Variants in CACNA1A observed in about 807,000 individuals in gnomAD.
The protein encoded by CACNA1A is voltage-dependent P/Q-type calcium channel subunit alpha-1A.
CACNA1A carries 57 observed loss-of-function variants against 262.4 expected under a neutral mutation model. That is an observed-to-expected ratio of 0.22 (90% CI 0.18 to 0.27). The LOEUF (loss-of-function observed/expected upper bound fraction) is 0.27. Ranked by LOEUF, CACNA1A falls within the 10% of genes least tolerant of loss-of-function variation. The pLI, the probability that CACNA1A is intolerant of heterozygous loss-of-function variation, is 1.00. For synonymous variants in CACNA1A, 1,431 were observed against 1,419.3 expected (o/e 1.01, Z -0.18); for missense variants, 2,526 against 3,562.8 (o/e 0.71, Z 7.41).
Position 13,262,553 on chromosome 19 carries a change from T to A in CACNA1A, c.4089+181A>T, listed in dbSNP as rs535910612. 2.7e-5 allele frequency: 16 copies of A among 590,438 alleles called. No individual in the cohort carries two copies. The South Asian group carries it at 3.4e-4, about 13-fold the overall frequency. 36.6% of individuals were successfully genotyped at this position (590,438 alleles called of 1,614,324 possible). A position where few individuals can be genotyped will look rare whatever the true frequency, so the allele number is the denominator to read the frequency against. On this transcript the variant is annotated intron_variant, in intron 25 of 46. Coordinates refer to ENST00000360228, the MANE Select transcript of CACNA1A (RefSeq NM_001127222.2). ...GCCATAATACACAGATTATTTTAGG[T>A]CAGCTCACTTTACTGCCATCTGCTG...
chr19:13,431,539 A>T (rs1310136675), intron 3 of CACNA1A, among the ~76,000 whole-genome samples: 1 of 152,084 alleles, frequency 6.6e-6, no homozygotes, highest in Admixed American at 6.6e-5. Context: ...GAGGAGCTGT[A>T]ATCCCTCTAA....
chr19:13,438,264 A>G (rs2060648528), intron 3 of CACNA1A, among the ~76,000 whole-genome samples: 4 of 152,234 alleles, frequency 2.6e-5, no homozygotes, highest in African/African-American at 9.6e-5. Context: ...ATGGGGCCCC[A>G]GTGGCCCCAG....
chr19:13,224,836 G>T, intron 37 of CACNA1A, 64 bp from the exon 38 acceptor site: 1 of 1,205,184 alleles, frequency 8.3e-7, no homozygotes, highest in Non-Finnish European at 1.2e-6. Flanking sequence ...CCCGTGAGCC[G>T]CGCCCGCCCC....
chr19:13,254,034 C>T (rs79932774), intron 29 of CACNA1A, among the ~76,000 whole-genome samples: 6 of 152,266 alleles, frequency 3.9e-5, no homozygotes, highest in African/African-American at 7.2e-5. Context: ...CCACCTTGCC[C>T]GGCCACTATT....
intron 1 of CACNA1A, among the ~76,000 whole-genome samples, chr19:13,504,333 C>T (rs1444192657): frequency 3.3e-5 from 5 of 152,160 alleles, no homozygotes; most frequent in South Asian, 2.1e-4. Flanking sequence ...TGGGCACCAA[C>T]GGAGATGGCA....
In CACNA1A at chr19:13,286,828, C is replaced by G; in HGVS notation, c.3228G>C (p.Ala1076=). Residue 1076 remains alanine (A), a synonymous_variant, in exon 20 of 47, where the codon GCG becomes GCC. Transcript: ENST00000360228. ...DNMKNNKLAT[A]ESAAPHGSLG... Reference sequence around the variant, plus strand: ...GGCTGCCGTGGGGAGCGGCCGACTCCGCGGTGGCCAGCTTGTTGTTCTTCA... The same window carrying G: ...GGCTGCCGTGGGGAGCGGCCGACTCGGCGGTGGCCAGCTTGTTGTTCTTCA... The G allele has an allele frequency of 6.2e-7, 1 of 1,613,554 alleles. No homozygotes were observed. The highest frequency in any genetic ancestry group is 8.5e-7 in the Non-Finnish European group (1 of 1,179,806).
Position 13,210,628 on chromosome 19 carries a change from T to G in CACNA1A, c.6328A>C (p.Asn2110His), listed in dbSNP as rs1381329539. Residue 2110 changes from asparagine (N) to histidine (H), a missense_variant, in exon 44 of 47, where the codon AAT becomes CAT. Transcript: ENST00000360228. Reference sequence around the variant, plus strand: ...GGCGCGGTACATACACTGAGGTTATTCCCACGTGGCCGGCCCCTTCTCCTC... The same window carrying G: ...GGCGCGGTACATACACTGAGGTTATGCCCACGTGGCCGGCCCCTTCTCCTC... ...NQRRRGRPRG[N>H]NLSTISDTSP... 1 of 1,565,034 alleles carries G rather than the reference T, an allele frequency of 6.4e-7. No individual in the cohort carries two copies. Among genetic ancestry groups the G allele is most frequent in the Non-Finnish European group, 8.6e-7 (1 of 1,156,272 alleles).
intron 3 of CACNA1A, among the ~76,000 whole-genome samples, chr19:13,416,227 A>T (rs568575671): frequency 1.3e-5 from 2 of 152,216 alleles, no homozygotes; most frequent in East Asian, 3.9e-4. Context: ...CATCCTCCCG[A>T]GTAGCTGGGA....
chr19:13,344,660 C>T (rs2058730895), intron 6 of CACNA1A, among the ~76,000 whole-genome samples: 1 of 152,160 alleles, frequency 6.6e-6, no homozygotes, highest in African/African-American at 2.4e-5. Flanking sequence ...GCACCAGGGA[C>T]ATAGTAGGTG....
chr19:13,311,490 C>T (rs898340829), intron 12 of CACNA1A, among the ~76,000 whole-genome samples: 2 of 152,054 alleles, frequency 1.3e-5, no homozygotes, highest in Non-Finnish European at 2.9e-5. Flanking sequence ...TTGTTTTCTC[C>T]AACAACATAA....
chr19:13,223,279 C>T (rs751970240), intron 38 of CACNA1A, among the ~76,000 whole-genome samples: 5 of 151,762 alleles, frequency 3.3e-5, no homozygotes, highest in East Asian at 1.9e-4. Context: ...CTGCAACCTC[C>T]GCCTCCCAGG....
intron 38 of CACNA1A, among the ~76,000 whole-genome samples, chr19:13,220,290 G>T (rs1322196959): frequency 6.6e-6 from 1 of 151,688 alleles, no homozygotes; most frequent in East Asian, 1.9e-4. Context: ...CAAGTCAGCT[G>T]ACCTCAAAAT....
chr19:13,214,811 G>A lies in CACNA1A; in HGVS notation c.5732-203C>T, dbSNP rs1159725134. ...CCTTGTGGGCTCTGGTTTTCGGTGG[G>A]GCCAGGACCATGGAGCAGCTGTGCA... On this transcript the variant is annotated intron_variant, in intron 38 of 46. Transcript: ENST00000360228. The surrounding 1 kb of genome is among the most constrained non-coding windows in gnomAD (Gnocchi z 4.1). The A allele has an allele frequency of 1.0e-5, 6 of 585,124 alleles. No individual in the cohort carries two copies. The highest frequency in any genetic ancestry group is 2.1e-5 in the South Asian group (1 of 47,314). 36.2% of individuals were successfully genotyped at this position (585,124 alleles called of 1,614,324 possible).
intron 31 of CACNA1A, among the ~76,000 whole-genome samples, chr19:13,239,401 C>T (rs1187283553): frequency 3.3e-5 from 5 of 152,148 alleles, no homozygotes; most frequent in Non-Finnish European, 7.3e-5. Context: ...TCCTTCAGCT[C>T]GCAGTGCAGG....
intron 1 of CACNA1A, among the ~76,000 whole-genome samples, chr19:13,499,262 C>T (rs776537037): frequency 6.6e-6 from 1 of 151,798 alleles, no homozygotes; most frequent in Non-Finnish European, 1.5e-5. Context: ...GAGGGAGGGA[C>T]CAAAGGAGGA....
chr19:13,334,346 C>T, intron 8 of CACNA1A, 32 bp downstream of exon 8: 1 of 1,137,248 alleles, frequency 8.8e-7, no homozygotes, highest in Non-Finnish European at 1.3e-6. Flanking sequence ...CTGGGATCTC[C>T]ATCCCTGGGC....
chr19:13,303,917 C>T (rs748820221), intron 15 of CACNA1A, 33 bp from the exon 16 acceptor site: 2 of 1,462,760 alleles, frequency 1.4e-6, no homozygotes, highest in Non-Finnish European at 1.9e-6. Context: ...ACAGCCAACC[C>T]CCCTCTCAGC....
Position 13,227,419 on chromosome 19 carries a change from A to G in CACNA1A, c.5625+12T>C. On this transcript the variant is annotated intron_variant, in intron 37 of 46. Coordinates refer to ENST00000360228, the MANE Select transcript of CACNA1A (RefSeq NM_001127222.2). ...AGTGCCTGGACGTCGGTGGTCGGCA[A>G]GGGTAGTCTACCTTGTAAGCCACTC... 1 of 1,506,482 alleles carries G rather than the reference A, an allele frequency of 6.6e-7. No individual in the cohort carries two copies. Among genetic ancestry groups the G allele is most frequent in the Non-Finnish European group, 9.0e-7 (1 of 1,105,530 alleles). 93.3% of individuals were successfully genotyped at this position (1,506,482 alleles called of 1,614,324 possible). A position where few individuals can be genotyped will look rare whatever the true frequency, so the allele number is the denominator to read the frequency against.
chr19:13,456,065 G>A (rs1384216977), intron 1 of CACNA1A, among the ~76,000 whole-genome samples: 1 of 151,560 alleles, frequency 6.6e-6, no homozygotes, highest in Non-Finnish European at 1.5e-5. Flanking sequence ...CAGGAGAATC[G>A]CTTGAACCTG....
Sources: gnomAD v4.1 joint callset for allele counts (sites outside exome capture counted in the v4.1 genomes callset) on GRCh38, gnomAD v4.1.1 for gene constraint, Gnocchi (gnomAD v3.1) non-coding constraint, MANE v1.5 for transcripts, NCBI Gene and HGNC (gene_info 2026-07-23, HGNC 2026-07-21) for gene names.